Variants in GALNT13 observed in about 807,000 individuals in gnomAD.
GALNT13 encodes the protein polypeptide N-acetylgalactosaminyltransferase 13.
Under a neutral mutation model 64.2 loss-of-function variants are expected in GALNT13, and 28 were observed. The ratio of observed to expected loss-of-function variants is 0.44; its 90% CI spans 0.32 to 0.60. GALNT13 has a LOEUF of 0.60. GALNT13 is among the 20% of genes least tolerant of loss of function. The pLI is 0.05. For missense variants in GALNT13, 577 were observed against 669.8 expected (o/e 0.86, Z 1.53); for synonymous variants, 214 against 224.6 (o/e 0.95, Z 0.42).
At chr2:154,161,799 T>G (rs1684742302) in intron 4 of GALNT13, among the ~76,000 whole-genome samples, 1 of 151,976 alleles carries the variant, frequency 6.6e-6, no homozygotes, top group South Asian at 2.1e-4. Flanking sequence ...TTTTTTTGTT[T>G]TCAGACGGTC....
the GALNT13 span, among the ~76,000 whole-genome samples, chr2:153,093,236 C>CTTTTTTTTTTTTT: frequency 1.7e-4 from 22 of 128,996 alleles, no homozygotes; most frequent in South Asian, 2.4e-4. Flanking sequence ...TTTTTCTTTT[C>CTTTTTTTTTTTTT]TTTTCTTTTT....
chr2:153,828,477 T>C, the GALNT13 span, among the ~76,000 whole-genome samples: 3 of 152,148 alleles, frequency 2.0e-5, no homozygotes, highest in Admixed American at 6.5e-5. Context: ...GCTTGCAACC[T>C]CTGAAGCCAG....
chr2:153,141,330 T>G, the GALNT13 span, among the ~76,000 whole-genome samples: 4 of 151,966 alleles, frequency 2.6e-5, no homozygotes, highest in Non-Finnish European at 5.9e-5. Flanking sequence ...CTTCTCAACT[T>G]GTCTGTCCTT....
At chr2:154,145,552 T>C (rs1574594905) in intron 4 of GALNT13, among the ~76,000 whole-genome samples, 2 of 152,006 alleles carry the variant, frequency 1.3e-5, no homozygotes, top group Admixed American at 1.3e-4. Flanking sequence ...CAGCTAGCAT[T>C]TAAATATTTT....
chr2:153,999,401 G>A (rs1092488), intron 3 of GALNT13, among the ~76,000 whole-genome samples: 2 of 151,754 alleles, frequency 1.3e-5, no homozygotes, highest in African/African-American at 4.8e-5. Context: ...CCAGATCTTA[G>A]AGGAAAAACT....
At chr2:153,991,230 A>G (rs1695137693) in intron 3 of GALNT13, among the ~76,000 whole-genome samples, 1 of 152,218 alleles carries the variant, frequency 6.6e-6, no homozygotes, top group Non-Finnish European at 1.5e-5. Flanking sequence ...ATTCCAATAA[A>G]GCACTGGCTG....
At chr2:154,210,828 TGATA>T (rs1687717705) in intron 4 of GALNT13, among the ~76,000 whole-genome samples, 1 of 152,098 alleles carries the variant, frequency 6.6e-6, no homozygotes, top group African/African-American at 2.4e-5. Flanking sequence ...AGTATAGTGA[TGATA>T]GATAAAAGAA....
At chr2:154,363,574 A>G (rs980221699) in intron 9 of GALNT13, among the ~76,000 whole-genome samples, 2 of 152,174 alleles carry the variant, frequency 1.3e-5, no homozygotes, top group African/African-American at 4.8e-5. Context: ...ATTCTAAAAT[A>G]TGAAAAAAAG....
At chr2:154,112,285 G>A (rs772082063) in intron 3 of GALNT13, among the ~76,000 whole-genome samples, 2 of 152,154 alleles carry the variant, frequency 1.3e-5, no homozygotes, top group African/African-American at 4.8e-5. Flanking sequence ...CTGAGCCCAC[G>A]TATAACCTCA....
At chr2:153,112,787 A>C in the GALNT13 span, among the ~76,000 whole-genome samples, 1 of 152,110 alleles carries the variant, frequency 6.6e-6, no homozygotes, top group African/African-American at 2.4e-5. Context: ...AGTTGTAAAC[A>C]GAATAGTTCT....
intron 5 of GALNT13, among the ~76,000 whole-genome samples, chr2:154,242,399 C>A (rs556695031): frequency 2.0e-5 from 3 of 152,156 alleles, no homozygotes; most frequent in African/African-American, 7.2e-5. Flanking sequence ...ATAACTAATT[C>A]TTTCACTTTC....
chr2:154,186,747 G>A lies in GALNT13; in HGVS notation c.311+46242G>A, dbSNP rs1376554374. Among the ~76,000 whole-genome samples, 3 of 152,086 alleles carry A rather than the reference G, an allele frequency of 2.0e-5. No homozygotes were observed. In the East Asian group the frequency reaches 5.8e-4, roughly 29 times the overall value. ...TAGTAGACTTACAGGTTAAGCCCAT[G>A]ACTTTGACCCTGAGTGCACAAAAGG... On this transcript the variant is annotated intron_variant, in intron 4 of 12. Transcript: ENST00000392825.
intron 4 of GALNT13, among the ~76,000 whole-genome samples, chr2:154,220,299 G>T (rs1256346493): frequency 2.0e-5 from 3 of 152,088 alleles, no homozygotes; most frequent in African/African-American, 7.2e-5. Context: ...AAAGTCATTT[G>T]TAGAGATTAG....
chr2:153,964,757 A>C (rs1693211862), intron 3 of GALNT13, among the ~76,000 whole-genome samples: 1 of 152,146 alleles, frequency 6.6e-6, no homozygotes, highest in South Asian at 2.1e-4. Flanking sequence ...AAATTAAAAT[A>C]AAGAAGAAAA....
the GALNT13 span, among the ~76,000 whole-genome samples, chr2:153,209,542 A>G: frequency 6.6e-6 from 1 of 152,294 alleles, no homozygotes; most frequent in South Asian, 2.1e-4. Context: ...TCTTTATGCC[A>G]ATATTATACT....
At chr2:154,419,259 T>C (rs961875019) in intron 11 of GALNT13, among the ~76,000 whole-genome samples, 13 of 152,128 alleles carry the variant, frequency 8.5e-5, no homozygotes, top group Admixed American at 5.9e-4. Context: ...TCCTGCCGAG[T>C]GTTGCCTGGC....
the GALNT13 span, among the ~76,000 whole-genome samples, chr2:153,345,635 T>TTCTC: frequency 8.7e-5 from 6 of 68,806 alleles, no homozygotes; most frequent in African/African-American, 2.1e-4. Flanking sequence ...TTTCCTTTCT[T>TTCTC]TTTCTTTCTT....
At chr2:154,140,042 AATAGTGTATGAAATATATG>A (rs1683169160) in intron 3 of GALNT13, among the ~76,000 whole-genome samples, 1 of 152,050 alleles carries the variant, frequency 6.6e-6, no homozygotes, top group East Asian at 1.9e-4. Context: ...AGTTTTCTCT[AATAGTGTATGAAATATATG>A]ACAGAAGTTT....
intron 9 of GALNT13, among the ~76,000 whole-genome samples, chr2:154,302,524 A>C (rs1275431966): frequency 6.6e-6 from 1 of 152,204 alleles, no homozygotes; most frequent in Non-Finnish European, 1.5e-5. Flanking sequence ...GGTATATTTA[A>C]GTGTCAATGA....
Sources: allele counts gnomAD v4.1 joint callset (sites outside exome capture counted in the v4.1 genomes callset), GRCh38; gene constraint gnomAD v4.1.1; transcripts MANE v1.5; gene names NCBI Gene and HGNC (gene_info 2026-07-23, HGNC 2026-07-21).